VPS50: variants seen among roughly 807,000 people sequenced by gnomAD.
VPS50 encodes VPS50 subunit of EARP/GARPII complex, also known as syndetin.
Under a neutral mutation model 139.7 loss-of-function variants are expected in VPS50, and 70 were observed. The observed-to-expected ratio is 0.50, with a 90% confidence interval of 0.41 to 0.61. The LOEUF (loss-of-function observed/expected upper bound fraction) is 0.61. Among genes scored for constraint, VPS50 ranks in the 20% least tolerant of loss-of-function variants. The probability of loss-of-function intolerance (pLI) is 0.00; values close to 1 mark genes in which losing one functional copy is unlikely to be tolerated. For missense variants in VPS50, 921 were observed against 1,133.7 expected (o/e 0.81, Z 2.69); for synonymous variants, 365 against 376.7 (o/e 0.97, Z 0.36).
intron 6 of VPS50, 57 bp downstream of exon 6, chr7:93,257,521 A>C: frequency 1.1e-6 from 1 of 931,058 alleles, no homozygotes; most frequent in Non-Finnish European, 1.7e-6. Context: ...AAGAATAACT[A>C]TGGAATCTAT....
At chr7:93,289,545 C>T (rs910559713) in intron 12 of VPS50, among the ~76,000 whole-genome samples, 1 of 151,818 alleles carries the variant, frequency 6.6e-6, no homozygotes, top group Admixed American at 6.6e-5. Flanking sequence ...TCAAATGTTA[C>T]TTTTATTACT....
chr7:93,328,831 T>C (rs1292287170), intron 21 of VPS50, among the ~76,000 whole-genome samples: 1 of 151,726 alleles, frequency 6.6e-6, no homozygotes, highest in Non-Finnish European at 1.5e-5. Flanking sequence ...AGAGAGAGGA[T>C]TTCCAAATTC....
intron 20 of VPS50, 63 bp from the exon 21 acceptor site, chr7:93,323,548 T>C (rs1310157880): frequency 1.7e-6 from 1 of 586,294 alleles, no homozygotes; most frequent in East Asian, 3.9e-5. Flanking sequence ...TTTCTTTTTA[T>C]AATTATAGAC....
At chr7:93,288,751 A>G (rs1039557017) in intron 12 of VPS50, among the ~76,000 whole-genome samples, 1 of 152,152 alleles carries the variant, frequency 6.6e-6, no homozygotes, top group Non-Finnish European at 1.5e-5. Context: ...ACTTTGATTT[A>G]TACAATGGTG....
At chr7:93,325,614 A>T (rs1797746995) in intron 21 of VPS50, among the ~76,000 whole-genome samples, 2 of 152,044 alleles carry the variant, frequency 1.3e-5, no homozygotes, top group African/African-American at 4.8e-5. Flanking sequence ...GAAAAAAACA[A>T]CCCCATCAAA....
intron 11 of VPS50, among the ~76,000 whole-genome samples, chr7:93,274,898 G>A (rs941916560): frequency 2.6e-5 from 4 of 152,134 alleles, no homozygotes; most frequent in African/African-American, 9.7e-5. Context: ...GTGCCATTAA[G>A]AACATTTGTG....
chr7:93,246,606 G>A (rs1202314969), intron 2 of VPS50, among the ~76,000 whole-genome samples: 1 of 151,770 alleles, frequency 6.6e-6, no homozygotes, highest in Non-Finnish European at 1.5e-5. Flanking sequence ...AAAATATTGA[G>A]TTTAATAATG....
chr7:93,255,472 T>C (rs1203934634), intron 4 of VPS50, among the ~76,000 whole-genome samples: 1 of 152,202 alleles, frequency 6.6e-6, no homozygotes, highest in Non-Finnish European at 1.5e-5. Flanking sequence ...CTTGCTCACC[T>C]GCCACTCACT....
At chr7:93,234,860 C>T (rs1340954998) in intron 1 of VPS50, among the ~76,000 whole-genome samples, 1 of 151,896 alleles carries the variant, frequency 6.6e-6, no homozygotes, top group African/African-American at 2.4e-5. Flanking sequence ...CTTCATCTTT[C>T]TCCATCATGC....
In VPS50 at chr7:93,341,505, C is replaced by T. The variant is rs1280297737; in HGVS notation, c.2137C>T (p.His713Tyr). The T allele has an allele frequency of 6.2e-7, 1 of 1,611,338 alleles. No individual in the cohort carries two copies. The highest frequency in any genetic ancestry group is 8.5e-7 in the Non-Finnish European group (1 of 1,177,684). ...KEKVPSPHLS[H>Y]LVVLTSGDTL... is the part of the protein sequence containing the mutation. ...GAAGGTGCCAAGTCCACACCTCAGT[C>T]ACCTAGTGGTTTTGACATCTGGGGA... The change falls in exon 23 of 28, where the codon CAC becomes TAC. Residue 713 changes from histidine to tyrosine, a missense_variant. His to Tyr is a moderately conservative substitution (Grantham distance 83). Transcript: ENST00000305866.
intron 2 of VPS50, among the ~76,000 whole-genome samples, chr7:93,243,604 C>T (rs1173711492): frequency 6.6e-6 from 1 of 151,864 alleles, no homozygotes; most frequent in Non-Finnish European, 1.5e-5. Flanking sequence ...GATTTTCATG[C>T]AGAGTTAAAG....
At position 93,232,402 on chromosome 7, in the gene VPS50, G is replaced by A. The variant is rs943594181; in HGVS notation, c.-66G>A. 7 of 1,378,080 alleles carry A rather than the reference G, an allele frequency of 5.1e-6. No individual in the cohort carries two copies. The highest frequency in any genetic ancestry group is 7.2e-6 in the Non-Finnish European group (7 of 965,770). 85.4% of individuals were successfully genotyped at this position (1,378,080 alleles called of 1,614,324 possible). On this transcript the variant is annotated 5_prime_UTR_variant, in exon 1 of 28. Transcript: ENST00000305866. ...CTATGGCTTCCTAGTGTCAGGGCCA[G>A]CTGTGTAGTGGCTCGGTGTGATTTG...
At chr7:93,342,105 G>C (rs1172831108) in intron 23 of VPS50, among the ~76,000 whole-genome samples, 1 of 152,198 alleles carries the variant, frequency 6.6e-6, no homozygotes, top group African/African-American at 2.4e-5. Flanking sequence ...AGTGGGCGCA[G>C]GTCAGTGGGT....
At chr7:93,328,802 G>A (rs1052940692) in intron 21 of VPS50, among the ~76,000 whole-genome samples, 2 of 152,050 alleles carry the variant, frequency 1.3e-5, no homozygotes, top group Non-Finnish European at 2.9e-5. Flanking sequence ...AGTGGAGGAC[G>A]CTCAGAAGAA....
At position 93,278,590 on chromosome 7, in the gene VPS50, C is replaced by CAA. The variant is rs11445569; in HGVS notation, c.942+2304_942+2305dup. ...CCAGCCTGGGCGACAGACTCTGTCT[C>CAA]AAAAAAAAAAAAAAAAAAAAGCTGA... is the stretch of plus-strand genomic sequence containing the variant. On this transcript the variant is annotated intron_variant, in intron 12 of 27. Transcript: ENST00000305866. Among the ~76,000 whole-genome samples, 434 of 67,818 alleles carry CAA rather than the reference C, an allele frequency of 6.4e-3. 8 individuals carry two copies. The highest frequency in any genetic ancestry group is 0.019 in the African/African-American group (368 of 19,690). 44.5% of individuals were successfully genotyped at this position (67,818 alleles called of 152,430 possible).
At chr7:93,241,390 A>G (rs1379409072) in intron 2 of VPS50, among the ~76,000 whole-genome samples, 1 of 152,140 alleles carries the variant, frequency 6.6e-6, no homozygotes, top group Non-Finnish European at 1.5e-5. Context: ...GTCAGCAAAT[A>G]TAAATGGTTC....
rs140145962 is a variant in VPS50, at chr7:93,258,023, T to C, written c.423-136T>C. On this transcript the variant is annotated intron_variant, in intron 6 of 27. Coordinates refer to ENST00000305866, the MANE Select transcript of VPS50 (RefSeq NM_017667.4). The stretch of plus-strand genomic sequence containing the variant: ...GGTTTAGACTGGCCATTGAGTACAT[T>C]TGTCAAATAGTAGTTTAAATCCTTG... 5.1e-4 allele frequency: 294 copies of C among 578,506 alleles called. 2 individuals carry two copies. The highest frequency in any genetic ancestry group is 4.0e-3 in the African/African-American group (212 of 53,010). 35.8% of individuals were successfully genotyped at this position (578,506 alleles called of 1,614,324 possible). A position where few individuals can be genotyped will look rare whatever the true frequency, so the allele number is the denominator to read the frequency against.
intron 12 of VPS50, among the ~76,000 whole-genome samples, chr7:93,285,399 T>A (rs1483737946): frequency 6.6e-6 from 1 of 152,200 alleles, no homozygotes; most frequent in African/African-American, 2.4e-5. Flanking sequence ...TTGTAGGGAT[T>A]TAGTAATAGA....
intron 1 of VPS50, 147 bp downstream of exon 1, chr7:93,232,647 A>G (rs1487503652): frequency 1.4e-6 from 1 of 717,956 alleles, no homozygotes; most frequent in East Asian, 2.7e-5. Context: ...GGCATACCCT[A>G]GAAAACTCAC....
Sources: gnomAD v4.1 joint callset for allele counts (sites outside exome capture counted in the v4.1 genomes callset) on GRCh38, gnomAD v4.1.1 for gene constraint, MANE v1.5 for transcripts, NCBI Gene and HGNC (gene_info 2026-07-23, HGNC 2026-07-21) for gene names.